The following LAMC3 variants were observed in gnomAD, a reference collection of about 807,000 sequenced individuals.
LAMC3 encodes laminin subunit gamma 3.
A neutral mutation model predicts 173.8 loss-of-function variants in LAMC3; 128 were observed. That is an observed-to-expected ratio of 0.74 (90% CI 0.64 to 0.85). The LOEUF (loss-of-function observed/expected upper bound fraction) is 0.85. Ranked by LOEUF, LAMC3 falls within the 40% of genes least tolerant of loss-of-function variation. LAMC3 has a pLI of 0.00. For missense variants in LAMC3, 2,022 were observed against 2,156.0 expected (o/e 0.94, Z 1.23); for synonymous variants, 897 against 909.1 (o/e 0.99, Z 0.24).
chr9:131,026,377 C>G lies in LAMC3; in HGVS notation c.466C>G (p.Pro156Ala). 1 of 1,614,144 alleles carries G rather than the reference C, an allele frequency of 6.2e-7. No homozygotes were observed. The highest frequency in any genetic ancestry group is 8.5e-7 in the Non-Finnish European group (1 of 1,180,036). ...CTACAAGCGCAGCCGCGCCGACGGCCCATGGGAGCCCTACCAGTTCTACAG... is the reference window on the plus strand; with the variant it reads ...CTACAAGCGCAGCCGCGCCGACGGCGCATGGGAGCCCTACCAGTTCTACAG... ...AIYKRSRADG[P>A]WEPYQFYSAS... is the part of the protein sequence containing the mutation. The change falls in exon 2 of 28, where the codon CCA becomes GCA. Residue 156 changes from proline (P) to alanine (A), a missense_variant. Transcript: ENST00000361069. The surrounding 1 kb of genome is among the most constrained non-coding windows in gnomAD (Gnocchi z 4.8).
chr9:131,060,913 C>T (rs901039590), intron 12 of LAMC3, 122 bp from the exon 13 acceptor site: 1 of 955,412 alleles, frequency 1.0e-6, no homozygotes, highest in African/African-American at 1.6e-5. Context: ...CTTGCTGCCT[C>T]TGCCTGGGAA....
intron 7 of LAMC3, 126 bp from the exon 8 acceptor site, chr9:131,045,396 GAA>G: frequency 9.3e-7 from 1 of 1,070,126 alleles, no homozygotes; most frequent in African/African-American, 1.6e-5. Context: ...CTAGAATTCT[GAA>G]AAAAAATTGT....
rs1024488795 is a variant in LAMC3, at chr9:131,068,170, C to T, written c.2686C>T (p.Arg896Trp). The stretch of plus-strand genomic sequence containing the variant: ...CTCCTGCCTGCCTCATGTGACTGCA[C>T]GGGACTGCAGCCGCTGCTACCCTGG... ...QCSCLPHVTA[R>W]DCSRCYPGFF... The change falls in exon 15 of 28, where the codon CGG (arginine) becomes TGG (tryptophan). Residue 896 changes from arginine to tryptophan, a missense_variant. By Grantham distance (101) the Arg-to-Trp change is moderately radical. Transcript: ENST00000361069. 10 of 1,613,184 alleles carry T rather than the reference C, an allele frequency of 6.2e-6. No individual in the cohort carries two copies. Among genetic ancestry groups the T allele is most frequent in the African/African-American group, 2.7e-5 (2 of 75,064 alleles).
At chr9:131,049,243 C>T (rs1045696453) in intron 9 of LAMC3, 113 bp downstream of exon 9, 2 of 741,228 alleles carry the variant, frequency 2.7e-6, no homozygotes, top group South Asian at 1.5e-5. Flanking sequence ...TCTTAGAGTT[C>T]TGGAGAAGTC....
intron 8 of LAMC3, among the ~76,000 whole-genome samples, chr9:131,047,058 T>C (rs1834179763): frequency 6.6e-6 from 1 of 152,018 alleles, no homozygotes; most frequent in South Asian, 2.1e-4. Context: ...TGTTCTCACA[T>C]TGGGCCAGGC....
At chr9:131,036,423 G>T in intron 4 of LAMC3, 91 bp downstream of exon 4, 4 of 1,470,648 alleles carry the variant, frequency 2.7e-6, no homozygotes, top group Non-Finnish European at 1.9e-6. Context: ...GGTGGGGGCT[G>T]CTCCTGGGTA....
chr9:131,074,311 T>G (rs1182270420), intron 20 of LAMC3, among the ~76,000 whole-genome samples: 3 of 152,012 alleles, frequency 2.0e-5, no homozygotes, highest in African/African-American at 7.2e-5. Context: ...CCTCTTACAG[T>G]TGAATAATAT....
chr9:131,010,192 G>T (rs901660867), intron 1 of LAMC3, among the ~76,000 whole-genome samples: 1 of 151,066 alleles, frequency 6.6e-6, no homozygotes, highest in Non-Finnish European at 1.5e-5. Flanking sequence ...GGGCGTGGTG[G>T]TGCACACCTA....
At position 131,009,645 on chromosome 9, in the gene LAMC3, C is replaced by T; in HGVS notation, c.373+58C>T. The T allele has an allele frequency of 6.5e-7, 1 of 1,534,674 alleles. No individual in the cohort carries two copies. Among genetic ancestry groups the T allele is most frequent in the South Asian group, 1.2e-5 (1 of 83,398 alleles). ...CCCGTGTCCCCACTCCACTGGGGGT[C>T]TGAGGCTGAGGCCTGAGCTGCTGTG... On this transcript the variant is annotated intron_variant, in intron 1 of 27. Coordinates refer to ENST00000361069, the MANE Select transcript of LAMC3 (RefSeq NM_006059.4). The surrounding 1 kb of genome is among the most constrained non-coding windows in gnomAD (Gnocchi z 4.3).
In LAMC3 at chr9:131,039,783, C is replaced by T. The variant is rs116398337; in HGVS notation, c.1283+535C>T. ...GGTGGAGGCTGACCTTCGGGGTTCT[C>T]TGGGCCTCTGGATAGCAGGGCACGC... On this transcript the variant is annotated intron_variant, in intron 6 of 27. Transcript: ENST00000361069. Among the ~76,000 whole-genome samples the T allele has an allele frequency of 8.0e-3, 1,216 of 151,860 alleles. 22 individuals are homozygous for T. The highest frequency in any genetic ancestry group is 0.027 in the African/African-American group (1,120 of 41,378).
chr9:131,035,536 A>G (rs1449135020), intron 3 of LAMC3, among the ~76,000 whole-genome samples: 2 of 152,116 alleles, frequency 1.3e-5, no homozygotes, highest in African/African-American at 2.4e-5. Context: ...GGAGAATTCA[A>G]CCTGATGATC....
At chr9:131,017,812 G>A (rs746488169) in intron 1 of LAMC3, among the ~76,000 whole-genome samples, 28 of 151,084 alleles carry the variant, frequency 1.9e-4, no homozygotes, top group African/African-American at 6.6e-4. Flanking sequence ...GATCACCTTC[G>A]GTCAAGAGTT....
chr9:131,087,399 T>G (rs1378672760), intron 25 of LAMC3, 77 bp from the exon 26 acceptor site: 1 of 1,551,286 alleles, frequency 6.4e-7, no homozygotes, highest in Non-Finnish European at 8.9e-7. Context: ...TTGGCATCAT[T>G]GCCATAAGAG....
At chr9:131,018,236 G>T (rs893871429) in intron 1 of LAMC3, among the ~76,000 whole-genome samples, 1 of 150,968 alleles carries the variant, frequency 6.6e-6, no homozygotes, top group Admixed American at 6.6e-5. Flanking sequence ...CTACGTTCGA[G>T]CGATTCTCAT....
At chr9:131,057,254 C>T in intron 12 of LAMC3, 107 bp downstream of exon 12, 2 of 968,528 alleles carry the variant, frequency 2.1e-6, no homozygotes, top group Non-Finnish European at 3.2e-6. Flanking sequence ...GAGGTGTTGG[C>T]CAAGCTGTGG....
rs373662769 is a variant in LAMC3, at chr9:131,072,809, C to T, written c.3391C>T (p.His1131Tyr). 10 of 1,612,512 alleles carry T rather than the reference C, an allele frequency of 6.2e-6. No homozygotes were observed. Among genetic ancestry groups the T allele is most frequent in the Middle Eastern group, 1.6e-4 (1 of 6,062 alleles). The change falls in exon 19 of 28, where the codon CAT (histidine) becomes TAT (tyrosine). Residue 1131 changes from histidine (H) to tyrosine (Y), a missense_variant. Physicochemically the swap from His to Tyr is moderately conservative, Grantham distance 83 (BLOSUM62 2). Coordinates refer to ENST00000361069, the MANE Select transcript of LAMC3 (RefSeq NM_006059.4). ...VLESSEEEIL[H>Y]AAAILASLEI... Reference sequence around the variant, plus strand: ...GGAGTCCTCGGAAGAGGAGATTCTGCATGCAGCTGCCATTCTCGCGTCTCT... The same window carrying T: ...GGAGTCCTCGGAAGAGGAGATTCTGTATGCAGCTGCCATTCTCGCGTCTCT...
In LAMC3 at chr9:131,057,239, G is replaced by A; in HGVS notation, c.2158+92G>A. 4 of 1,137,082 alleles carry A rather than the reference G, an allele frequency of 3.5e-6. No individual in the cohort carries two copies. The South Asian group carries it at 5.0e-5, about 14-fold the overall frequency. 70.4% of individuals were successfully genotyped at this position (1,137,082 alleles called of 1,614,324 possible). On this transcript the variant is annotated intron_variant, in intron 12 of 27. Coordinates refer to ENST00000361069, the MANE Select transcript of LAMC3 (RefSeq NM_006059.4). ...CCTGAACAGGGCCAGCCTGGCACAG[G>A]CATTGAGGTGTTGGCCAAGCTGTGG...
chr9:131,050,675 G>C (rs1834265291), intron 9 of LAMC3, among the ~76,000 whole-genome samples: 1 of 152,040 alleles, frequency 6.6e-6, no homozygotes, highest in Non-Finnish European at 1.5e-5. Context: ...GGCTGAGACA[G>C]GAGAATTGCT....
chr9:131,032,153 T>A lies in LAMC3; in HGVS notation c.787T>A (p.Ser263Thr). The A allele has an allele frequency of 6.3e-7, 1 of 1,583,136 alleles. No homozygotes were observed. The highest frequency in any genetic ancestry group is 1.4e-5 in the African/African-American group (1 of 73,698). The change falls in exon 3 of 28, where the codon TCC becomes ACC. Residue 263 changes from serine (S) to threonine (T), a missense_variant. By Grantham distance (58) the Ser-to-Thr change is moderately conservative (BLOSUM62 1). Coordinates refer to ENST00000361069, the MANE Select transcript of LAMC3 (RefSeq NM_006059.4). The stretch of plus-strand genomic sequence containing the variant: ...GCTCCAGTCCTACTATTATGCCGTG[T>A]CCGACTTCTCTGTGGGCGGCAGGTA... Reference protein sequence around the residue: ...KVLQSYYYAVSDFSVGGRCKC... With the variant: ...KVLQSYYYAVTDFSVGGRCKC...
Sources: gnomAD v4.1 joint callset for allele counts (sites outside exome capture counted in the v4.1 genomes callset) on GRCh38, gnomAD v4.1.1 for gene constraint, Gnocchi (gnomAD v3.1) non-coding constraint, MANE v1.5 for transcripts, NCBI Gene and HGNC (gene_info 2026-07-23, HGNC 2026-07-21) for gene names.